LINGO2: variants seen among roughly 807,000 people sequenced by gnomAD.
LINGO2 encodes leucine-rich repeat and immunoglobulin-like domain-containing nogo receptor-interacting protein 2.
In LINGO2, 14 loss-of-function variants were observed where a neutral mutation model predicts 30.6. The observed-to-expected ratio is 0.46, with a 90% CI of 0.30 to 0.72. LINGO2 has a LOEUF of 0.72. Ranked by LOEUF, LINGO2 falls within the 30% of genes least tolerant of loss-of-function variation. LINGO2 has a pLI of 0.07. For synonymous variants in LINGO2, 317 were observed against 288.5 expected (o/e 1.10, Z -1.00); for missense variants, 729 against 751.7 (o/e 0.97, Z 0.35).
chr9:29,151,670 A>G, the LINGO2 span, among the ~76,000 whole-genome samples: 1 of 152,214 alleles, frequency 6.6e-6, no homozygotes, highest in South Asian at 2.1e-4. Context: ...GGCATTACCT[A>G]AAAAAGGTTC....
chr9:29,186,774 C>A, the LINGO2 span, among the ~76,000 whole-genome samples: 4 of 151,916 alleles, frequency 2.6e-5, no homozygotes, highest in African/African-American at 2.4e-5. Flanking sequence ...ACTTTCTAGG[C>A]AATGCCAATT....
At chr9:28,056,080 C>G (rs554674817) in intron 4 of LINGO2, among the ~76,000 whole-genome samples, 1 of 152,156 alleles carries the variant, frequency 6.6e-6, no homozygotes, top group Admixed American at 6.6e-5. Flanking sequence ...AAGAAAGGAG[C>G]TCCCCGCTTT....
At chr9:29,121,313 A>T in the LINGO2 span, among the ~76,000 whole-genome samples, 1 of 152,174 alleles carries the variant, frequency 6.6e-6, no homozygotes, top group South Asian at 2.1e-4. Context: ...CATTTATTTT[A>T]AAATTCCCAG....
the LINGO2 span, among the ~76,000 whole-genome samples, chr9:29,064,873 C>A: frequency 6.6e-6 from 1 of 151,736 alleles, no homozygotes; most frequent in Admixed American, 6.6e-5. Flanking sequence ...ATATTTATCC[C>A]TATGTTTATT....
chr9:28,607,048 G>A lies in LINGO2; in HGVS notation c.-365+63152C>T, dbSNP rs565496277. ...ATTCAGTAACGTCTTTAAAATATCC[G>A]AAGGAAATGTGGGAAATACCTGTCT... On this transcript the variant is annotated intron_variant, in intron 1 of 5. Transcript: ENST00000379992. Among the ~76,000 whole-genome samples the A allele has an allele frequency of 3.2e-4, 49 of 152,052 alleles. 1 individual carries two copies. In the South Asian group the frequency reaches 6.8e-3, roughly 21 times the overall value.
At chr9:28,636,940 T>C (rs1380542477) in intron 1 of LINGO2, among the ~76,000 whole-genome samples, 2 of 152,148 alleles carry the variant, frequency 1.3e-5, no homozygotes, top group African/African-American at 4.8e-5. Context: ...TCTTCTAGGG[T>C]TTTTATGGTT....
upstream of LINGO2, among the ~76,000 whole-genome samples, chr9:28,673,582 G>A (rs1476760259): frequency 1.3e-5 from 2 of 151,768 alleles, no homozygotes; most frequent in African/African-American, 2.4e-5. Flanking sequence ...TAGAAGAATC[G>A]CTTGAACCCG....
chr9:29,052,375 A>AT, the LINGO2 span, among the ~76,000 whole-genome samples: 2 of 152,128 alleles, frequency 1.3e-5, no homozygotes, highest in African/African-American at 4.8e-5. Context: ...TAATCAAGTC[A>AT]TTTTACATAT....
At chr9:28,199,287 C>T (rs902861089) in intron 4 of LINGO2, among the ~76,000 whole-genome samples, 20 of 151,780 alleles carry the variant, frequency 1.3e-4, no homozygotes, top group African/African-American at 4.8e-4. Context: ...TATTTTTTCT[C>T]TAATGTACTC....
rs762497217 is a variant in LINGO2, at chr9:28,147,964, G to A, written c.-86-135559C>T. Among the ~76,000 whole-genome samples the A allele has an allele frequency of 4.6e-5, 7 of 152,188 alleles. No individual in the cohort carries two copies. Among genetic ancestry groups the A allele is most frequent in the African/African-American group, 9.7e-5 (4 of 41,436 alleles). On this transcript the variant is annotated intron_variant, in intron 4 of 5. Coordinates refer to ENST00000379992, the Ensembl canonical transcript of LINGO2. This position sits in a 1 kb window ranked among gnomAD's most constrained non-coding sequence, Gnocchi z 4.7. ...CTCTCCGCTTCTGACCCTTGGTTTC[G>A]TCTGTGCACAACTCACTCAAAATGG...
intron 4 of LINGO2, among the ~76,000 whole-genome samples, chr9:28,168,417 G>C (rs1323484606): frequency 1.3e-5 from 2 of 152,100 alleles, no homozygotes; most frequent in Non-Finnish European, 2.9e-5. Flanking sequence ...CTAGAAACTA[G>C]AAAAAATTGT....
chr9:28,708,057 A>C, the LINGO2 span, among the ~76,000 whole-genome samples: 23 of 152,264 alleles, frequency 1.5e-4, no homozygotes, highest in African/African-American at 4.8e-4. Context: ...CCTCTATTTC[A>C]AGTAAACAAA....
chr9:28,137,613 T>C (rs10812744), intron 4 of LINGO2, among the ~76,000 whole-genome samples: 44,542 of 151,798 alleles, frequency 0.29, 6,557 homozygotes, highest in Middle Eastern at 0.34. Flanking sequence ...TTGATTTTCT[T>C]ACTGGAATTT....
the LINGO2 span, among the ~76,000 whole-genome samples, chr9:29,027,305 T>C: frequency 6.6e-6 from 1 of 152,188 alleles, no homozygotes; most frequent in Admixed American, 6.5e-5. Flanking sequence ...TTTGAATCTG[T>C]GAGGCAGATA....
At chr9:28,512,686 T>TATCC (rs1282604959) in intron 1 of LINGO2, among the ~76,000 whole-genome samples, 1 of 146,112 alleles carries the variant, frequency 6.8e-6, no homozygotes, top group Non-Finnish European at 1.5e-5. Context: ...TCTATCTATC[T>TATCC]ATCTATCTCT....
At chr9:28,656,262 T>C (rs1485458027) in intron 1 of LINGO2, among the ~76,000 whole-genome samples, 1 of 151,766 alleles carries the variant, frequency 6.6e-6, no homozygotes, top group African/African-American at 2.4e-5. Context: ...TAAAAAAAAA[T>C]AGCATATTTA....
chr9:28,022,482 A>G (rs943963179), intron 4 of LINGO2, among the ~76,000 whole-genome samples: 2 of 152,102 alleles, frequency 1.3e-5, no homozygotes, highest in African/African-American at 2.4e-5. Flanking sequence ...TAACATCTGC[A>G]GAGTGGTCTT....
chr9:28,165,804 C>T (rs946839346), intron 4 of LINGO2, among the ~76,000 whole-genome samples: 9 of 152,226 alleles, frequency 5.9e-5, no homozygotes, highest in African/African-American at 1.9e-4. Context: ...ATTAGAATAT[C>T]GATCACTAAA....
intron 4 of LINGO2, among the ~76,000 whole-genome samples, chr9:28,108,322 C>G (rs1041090199): frequency 1.3e-5 from 2 of 152,040 alleles, no homozygotes; most frequent in Admixed American, 6.6e-5. Flanking sequence ...ATAAAATTAC[C>G]TTTGAAGAGT....
Sources: allele counts gnomAD v4.1 joint callset (sites outside exome capture counted in the v4.1 genomes callset), GRCh38; gene constraint gnomAD v4.1.1; non-coding constraint Gnocchi (gnomAD v3.1); transcripts MANE v1.5; gene names NCBI Gene and HGNC (gene_info 2026-07-23, HGNC 2026-07-21).